Variants in TTC3 observed in about 807,000 individuals in gnomAD.
TTC3 encodes the protein tetratricopeptide repeat domain 3.
A neutral mutation model predicts 249.6 loss-of-function variants in TTC3; 180 were observed. The observed-to-expected ratio is 0.72, with a 90% CI of 0.64 to 0.82. The LOEUF (loss-of-function observed/expected upper bound fraction) is 0.82. Ranked by LOEUF, TTC3 falls within the 40% of genes least tolerant of loss-of-function variation. TTC3 has a pLI of 0.00. For missense variants in TTC3, 2,061 were observed against 2,398.4 expected (o/e 0.86, Z 2.94); for synonymous variants, 717 against 805.0 (o/e 0.89, Z 1.85).
At chr21:37,197,806 C>G in intron 43 of TTC3, 76 bp from the exon 44 acceptor site, 2 of 1,556,514 alleles carry the variant, frequency 1.3e-6, no homozygotes, top group South Asian at 1.2e-5. Flanking sequence ...GTACTAAAGA[C>G]AGAAGATGGT....
intron 29 of TTC3, 128 bp downstream of exon 29, chr21:37,159,873 G>C (rs902320849): frequency 1.3e-6 from 1 of 751,568 alleles, no homozygotes; most frequent in Non-Finnish European, 2.1e-6. Flanking sequence ...AAGGACGTCT[G>C]GGTAGTACGT....
chr21:37,189,266 G>A (rs1036776810), intron 39 of TTC3, among the ~76,000 whole-genome samples: 8 of 151,730 alleles, frequency 5.3e-5, no homozygotes, highest in Non-Finnish European at 8.8e-5. Context: ...GTTTTTTTGC[G>A]ACAGAGTCTC....
intron 15 of TTC3, 117 bp from the exon 16 acceptor site, chr21:37,128,886 G>T (rs940694540): frequency 3.1e-6 from 2 of 641,326 alleles, no homozygotes; most frequent in Non-Finnish European, 4.9e-6. Context: ...TTACACCCAC[G>T]TACCACATTT....
At position 37,087,493 on chromosome 21, in the gene TTC3, G is replaced by A. The variant is rs552275293; in HGVS notation, c.144+92G>A. The A allele has an allele frequency of 1.8e-5, 27 of 1,490,926 alleles. No individual in the cohort carries two copies. The African/African-American group carries it at 2.2e-4, about 12-fold the overall frequency. The allele number at this position is 1,490,926 out of a possible 1,614,324, so 92.4% of individuals were successfully genotyped here. Reference sequence around the variant, plus strand: ...CTGAGTAAAGATGTTTTTGTGGTACGTGCGTTTTGACAGGGAGGTACACAT... The same window carrying A: ...CTGAGTAAAGATGTTTTTGTGGTACATGCGTTTTGACAGGGAGGTACACAT... On this transcript the variant is annotated intron_variant, in intron 2 of 45. Transcript: ENST00000355666.
At chr21:37,114,139 A>G (rs1432320018) in intron 11 of TTC3, among the ~76,000 whole-genome samples, 1 of 152,224 alleles carries the variant, frequency 6.6e-6, no homozygotes, top group Admixed American at 6.5e-5. Context: ...CAAGGACTTC[A>G]TGTCTAAAAC....
intron 16 of TTC3, 35 bp downstream of exon 16, chr21:37,129,098 T>C: frequency 6.8e-7 from 1 of 1,466,830 alleles, no homozygotes; most frequent in Non-Finnish European, 9.3e-7. Context: ...TTTTTTCCCC[T>C]TAATATACTC....
At chr21:37,193,517 TG>T (rs2084460953) in intron 41 of TTC3, among the ~76,000 whole-genome samples, 2 of 152,234 alleles carry the variant, frequency 1.3e-5, no homozygotes, top group African/African-American at 4.8e-5. Context: ...TCCAAGTTCT[TG>T]TAACAGATAT....
intron 8 of TTC3, among the ~76,000 whole-genome samples, 186 bp downstream of exon 8, chr21:37,094,276 T>C (rs551302118): frequency 6.6e-6 from 1 of 152,254 alleles, no homozygotes; most frequent in Admixed American, 6.5e-5. Flanking sequence ...AAAGTGAAAA[T>C]TTGGTTTTTA....
chr21:37,086,942 A>G (rs1568864059), intron 1 of TTC3: 5 of 277,618 alleles, frequency 1.8e-5, no homozygotes, highest in African/African-American at 6.5e-5. Flanking sequence ...AGGCACATAC[A>G]AAGATAAATA....
At chr21:37,159,371 C>T in intron 28 of TTC3, 1 of 231,260 alleles carries the variant, frequency 4.3e-6, no homozygotes, top group South Asian at 9.9e-5. Context: ...AGGAGTTTGT[C>T]TGTTTGTCTT....
At chr21:37,117,706 T>C (rs7277150) in intron 11 of TTC3, among the ~76,000 whole-genome samples, 69,049 of 151,588 alleles carry the variant, frequency 0.46, 16,249 homozygotes, top group Non-Finnish European at 0.52. Context: ...GGCAAAACCA[T>C]ATCTTTACAA....
chr21:37,182,587 GGT>G (rs2082856853), intron 35 of TTC3, among the ~76,000 whole-genome samples, 185 bp from the exon 36 acceptor site: 1 of 152,186 alleles, frequency 6.6e-6, no homozygotes, highest in Non-Finnish European at 1.5e-5. Flanking sequence ...GTGGCTGTCT[GGT>G]GTGACTTGGT....
chr21:37,190,973 A>T (rs1041327079), intron 39 of TTC3, among the ~76,000 whole-genome samples: 2 of 152,142 alleles, frequency 1.3e-5, no homozygotes, highest in Non-Finnish European at 2.9e-5. Context: ...AATCTTTTGA[A>T]TGTTTCAGAC....
chr21:37,166,569 C>T, exon 33 of TTC3: 1 of 1,613,940 alleles, frequency 6.2e-7, no homozygotes, highest in Non-Finnish European at 8.5e-7. Context: ...CCAGAAAGCA[C>T]CAGTGCAGTA....
chr21:37,136,585 A>G (rs1307960274), intron 18 of TTC3, among the ~76,000 whole-genome samples: 1 of 152,230 alleles, frequency 6.6e-6, no homozygotes, highest in Admixed American at 6.5e-5. Flanking sequence ...CTGCAGAAGA[A>G]TAGTTTGAAA....
intron 6 of TTC3, chr21:37,090,557 T>C (rs1170899457): frequency 2.1e-6 from 2 of 939,990 alleles, no homozygotes; most frequent in East Asian, 2.3e-4. Context: ...TTACCTGGCT[T>C]ATGTTTCCCC....
chr21:37,140,115 C>G (rs2078299726), intron 19 of TTC3, among the ~76,000 whole-genome samples: 2 of 152,096 alleles, frequency 1.3e-5, no homozygotes. Flanking sequence ...TAAGACAGAG[C>G]TTTCATCCGT....
exon 24 of TTC3, chr21:37,150,086 A>G (rs751267458): frequency 1.6e-5 from 26 of 1,602,554 alleles, no homozygotes; most frequent in African/African-American, 4.1e-5. Context: ...AGGATTTTCT[A>G]CAAGGAATAT....
chr21:37,164,663 A>G (rs1488758245), intron 32 of TTC3, among the ~76,000 whole-genome samples: 1 of 152,152 alleles, frequency 6.6e-6, no homozygotes, highest in African/African-American at 2.4e-5. Context: ...TATTAAATTT[A>G]GAGTCCTAAT....
Sources: gnomAD v4.1 joint callset for allele counts (sites outside exome capture counted in the v4.1 genomes callset) on GRCh38, gnomAD v4.1.1 for gene constraint, MANE v1.5 for transcripts, NCBI Gene and HGNC (gene_info 2026-07-23, HGNC 2026-07-21) for gene names.